The following ZDHHC5 variants were observed in gnomAD, a reference collection of about 807,000 sequenced individuals.
ZDHHC5 encodes palmitoyltransferase ZDHHC5.
ZDHHC5 carries 22 observed loss-of-function variants against 70.0 expected under a neutral mutation model. The observed-to-expected ratio is 0.31, with a 90% CI of 0.22 to 0.45. The LOEUF (loss-of-function observed/expected upper bound fraction) is 0.45. ZDHHC5 is among the 20% of genes least tolerant of loss of function. The probability of loss-of-function intolerance (pLI) is 1.00; values close to 1 mark genes in which losing one functional copy is unlikely to be tolerated. For synonymous variants in ZDHHC5, 313 were observed against 347.8 expected (o/e 0.90, Z 1.11); for missense variants, 746 against 926.9 (o/e 0.80, Z 2.53).
intron 6 of ZDHHC5, among the ~76,000 whole-genome samples, chr11:57,691,696 T>G (rs1946286893): frequency 6.6e-6 from 1 of 152,154 alleles, no homozygotes; most frequent in Admixed American, 6.6e-5. Context: ...TTTCTTTAGT[T>G]TGTCAAAAAT....
Position 57,672,624 on chromosome 11 carries a change from G to C in ZDHHC5, c.-467G>C. The C allele has an allele frequency of 4.9e-6, 1 of 204,336 alleles. No homozygotes were observed. Among genetic ancestry groups the C allele is most frequent in the Non-Finnish European group, 9.7e-6 (1 of 103,062 alleles). 12.7% of individuals were successfully genotyped at this position (204,336 alleles called of 1,614,324 possible). A position where few individuals can be genotyped will look rare whatever the true frequency, so the allele number is the denominator to read the frequency against. ...CATTTTATGGAACTGTAGTCGTGGA[G>C]GTACTATAGTATCTCAGAAGAATTT... On this transcript the variant is annotated 5_prime_UTR_variant, in exon 2 of 12. Coordinates refer to ENST00000287169, the MANE Select transcript of ZDHHC5 (RefSeq NM_015457.3).
At chr11:57,688,418 GGCAGAA>G in intron 3 of ZDHHC5, 84 bp from the exon 4 acceptor site, 8 of 1,372,704 alleles carry the variant, frequency 5.8e-6, no homozygotes, top group Non-Finnish European at 7.6e-6. Context: ...ATTCCTCAAA[GGCAGAA>G]GCTATATTTT....
At chr11:57,687,431 C>T (rs145869464) in intron 3 of ZDHHC5, among the ~76,000 whole-genome samples, 2 of 151,918 alleles carry the variant, frequency 1.3e-5, no homozygotes, top group East Asian at 2.0e-4. Flanking sequence ...AATTAGCTGC[C>T]GAAGTGGCGT....
chr11:57,699,752 A>C, intron 11 of ZDHHC5, 114 bp from the exon 12 acceptor site: 1 of 1,365,500 alleles, frequency 7.3e-7, no homozygotes, highest in South Asian at 1.2e-5. Context: ...TTGGGTAAGA[A>C]AGTATGGATA....
rs1946423521 is a variant in ZDHHC5, at chr11:57,700,212, CCT to C, written c.*182_*183del. ...GCTTGGGGAGTCGGAGAGTTGGGGC[CCT>C]GAGACTGGGGTAGCAACCCCCCCTT... On this transcript the variant is annotated 3_prime_UTR_variant, in exon 12 of 12. Coordinates refer to ENST00000287169, the MANE Select transcript of ZDHHC5 (RefSeq NM_015457.3). 11 of 709,218 alleles carry C rather than the reference CCT, an allele frequency of 1.6e-5. No homozygotes were observed. The highest frequency in any genetic ancestry group is 2.3e-5 in the Non-Finnish European group (11 of 475,122). 43.9% of individuals were successfully genotyped at this position (709,218 alleles called of 1,614,324 possible).
chr11:57,680,419 A>G (rs570690689), intron 2 of ZDHHC5, among the ~76,000 whole-genome samples: 9 of 152,254 alleles, frequency 5.9e-5, no homozygotes, highest in African/African-American at 1.7e-4. Context: ...AAAGATTGAC[A>G]TGGGCCTGCA....
intron 7 of ZDHHC5, among the ~76,000 whole-genome samples, chr11:57,693,222 G>A (rs1211627172): frequency 6.6e-6 from 1 of 152,174 alleles, no homozygotes; most frequent in Non-Finnish European, 1.5e-5. Flanking sequence ...CAGGATAATT[G>A]CCTGAACCCA....
intron 6 of ZDHHC5, 71 bp downstream of exon 6, chr11:57,690,508 GTGTAGTGCTTCCA>G (rs1207186091): frequency 8.7e-6 from 13 of 1,488,130 alleles, no homozygotes; most frequent in Non-Finnish European, 1.2e-5. Flanking sequence ...TTAGTGTGCA[GTGTAGTGCTTCCA>G]CAAAGAGATG....
At position 57,688,684 on chromosome 11, in the gene ZDHHC5, G is replaced by A. The variant is rs773508584; in HGVS notation, c.384+19G>A. ...TGTGGAGGTAAGCACCCTGGGTGGG[G>A]TAAGACTTCATGCTTAACCTTCATT... On this transcript the variant is annotated intron_variant, in intron 4 of 11. Transcript: ENST00000287169. 12 of 1,567,700 alleles carry A rather than the reference G, an allele frequency of 7.7e-6. No homozygotes were observed. The South Asian group carries it at 1.2e-4, about 15-fold the overall frequency.
At position 57,699,024 on chromosome 11, in the gene ZDHHC5, C is replaced by A. The variant is rs778725894; in HGVS notation, c.1588C>A (p.Pro530Thr). 1 of 1,610,428 alleles carries A rather than the reference C, an allele frequency of 6.2e-7. No homozygotes were observed. The change falls in exon 11 of 12, where the codon CCA becomes ACA. Residue 530 changes from proline (P) to threonine (T), a missense_variant. Pro to Thr is a conservative substitution (Grantham distance 38). This residue lies in a region of ZDHHC5 where 340 missense variants were observed against 350.1 expected (regional missense o/e 0.97). Coordinates refer to ENST00000287169, the MANE Select transcript of ZDHHC5 (RefSeq NM_015457.3). ...TGGCCCAACACACCGAGAGCCCTCA[C>A]CAGTCCGTTACGACAATCTGTCGCG... ...PTGPTHREPS[P>T]VRYDNLSRHI...
Position 57,699,528 on chromosome 11 carries a change from A to T in ZDHHC5, c.1982+110A>T. The T allele has an allele frequency of 6.2e-6, 9 of 1,452,058 alleles. No individual in the cohort carries two copies. The South Asian group carries it at 1.3e-4, about 20-fold the overall frequency. 89.9% of individuals were successfully genotyped at this position (1,452,058 alleles called of 1,614,324 possible). ...TCCTAATGTAGGTGGACCCAGGGGT[A>T]TCCTGGTAGCTCTTTATTTTCACTT... On this transcript the variant is annotated intron_variant, in intron 11 of 11. Transcript: ENST00000287169.
In ZDHHC5 at chr11:57,700,904, T is replaced by G. The variant is rs1946434707; in HGVS notation, c.*873T>G. The G allele has an allele frequency of 6.6e-6, 1 of 152,658 alleles. No homozygotes were observed. Among genetic ancestry groups the G allele is most frequent in the South Asian group, 2.1e-4 (1 of 4,836 alleles). The allele number at this position is 152,658 out of a possible 1,614,324, so 9.5% of individuals were successfully genotyped here. On this transcript the variant is annotated 3_prime_UTR_variant, in exon 12 of 12. Transcript: ENST00000287169. ...CCCTAGCTTACACAGTTAACTTGATTTTAAAATCCAAGGCCAGGAGAGAAG... is the reference window on the plus strand; with the variant it reads ...CCCTAGCTTACACAGTTAACTTGATGTTAAAATCCAAGGCCAGGAGAGAAG...
rs1324902231 is a variant in ZDHHC5, at chr11:57,693,915, G to A, written c.885G>A (p.Lys295=). Residue 295 remains lysine (K), a splice_region_variant and synonymous_variant, in exon 8 of 12, where the codon AAG becomes AAA. Coordinates refer to ENST00000287169, the MANE Select transcript of ZDHHC5 (RefSeq NM_015457.3). The part of the protein sequence containing the change: ...NGIQGELRRT[K]SKGSLEITES... ...TCCAGGGAGAGCTGAGGAGAACAAA[G>A]GTGAGGAATTTAGAGAAGTCAAGCT... 6.2e-7 allele frequency: 1 copy of A among 1,609,678 alleles called. No homozygotes were observed. The highest frequency in any genetic ancestry group is 2.2e-5 in the East Asian group (1 of 44,790).
chr11:57,693,813 A>G lies in ZDHHC5; in HGVS notation c.783A>G (p.Thr261=). The G allele has an allele frequency of 6.3e-7, 1 of 1,586,048 alleles. No homozygotes were observed. Among genetic ancestry groups the G allele is most frequent in the Non-Finnish European group, 8.6e-7 (1 of 1,166,350 alleles). Residue 261 remains threonine, a synonymous_variant, in exon 8 of 12, where the codon ACA becomes ACG. Transcript: ENST00000287169. ...RYLGRPKKEK[T]IVIRPPFLRP... ...TGGGGAGACCAAAGAAAGAGAAGAC[A>G]ATTGTAATCAGACCTCCCTTCCTTC...
intron 3 of ZDHHC5, among the ~76,000 whole-genome samples, chr11:57,687,588 T>C (rs886888804): frequency 1.3e-5 from 2 of 151,816 alleles, no homozygotes; most frequent in African/African-American, 4.8e-5. Flanking sequence ...AAAAAATTGC[T>C]AACTGTATAT....
At position 57,695,942 on chromosome 11, in the gene ZDHHC5, CAGAG is replaced by C; in HGVS notation, c.911_914del (p.Glu304AlafsTer16). ...CAGTCTAAGGGAAGCCTGGAGATAA[CAGAG>C]AGCCAGTCTGCAGATGCTGAACCTC... On this transcript the variant is annotated frameshift_variant, in exon 9 of 12. Coordinates refer to ENST00000287169, the MANE Select transcript of ZDHHC5 (RefSeq NM_015457.3). LOFTEE classifies it high-confidence loss of function. 6.2e-7 allele frequency: 1 copy of C among 1,614,070 alleles called. No individual in the cohort carries two copies. Among genetic ancestry groups the C allele is most frequent in the Non-Finnish European group, 8.5e-7 (1 of 1,180,012 alleles).
intron 1 of ZDHHC5, among the ~76,000 whole-genome samples, chr11:57,670,379 G>A (rs1335335362): frequency 6.6e-6 from 1 of 151,896 alleles, no homozygotes; most frequent in Non-Finnish European, 1.5e-5. Context: ...GCTGAGACAG[G>A]AGAATTGCTT....
Position 57,668,162 on chromosome 11 carries a change from G to A in ZDHHC5, c.-1096G>A. On this transcript the variant is annotated 5_prime_UTR_variant, in exon 1 of 12. Transcript: ENST00000287169. ...GGGAGGCGGCGGTGACAACGACGGC[G>A]GTGGTGACGGGCACCGGGCTCGCGG... 2.7e-6 allele frequency: 1 copy of A among 368,478 alleles called. No individual in the cohort carries two copies. Among genetic ancestry groups the A allele is most frequent in the Non-Finnish European group, 4.8e-6 (1 of 206,928 alleles). The allele number at this position is 368,478 out of a possible 1,614,324, so 22.8% of individuals were successfully genotyped here.
chr11:57,670,669 T>C (rs1945994072), intron 1 of ZDHHC5, among the ~76,000 whole-genome samples: 1 of 152,132 alleles, frequency 6.6e-6, no homozygotes, highest in African/African-American at 2.4e-5. Context: ...GCGCTCACTG[T>C]ATTCTAATAC....
Sources: allele counts gnomAD v4.1 joint callset (sites outside exome capture counted in the v4.1 genomes callset), GRCh38; gene constraint gnomAD v4.1.1; regional missense constraint gnomAD v4.1.1; transcripts MANE v1.5; gene names NCBI Gene and HGNC (gene_info 2026-07-23, HGNC 2026-07-21).